Variants in PIK3R3 observed in about 807,000 individuals in gnomAD.
PIK3R3 encodes phosphatidylinositol 3-kinase regulatory subunit gamma.
In PIK3R3, 64 loss-of-function variants were observed where a neutral mutation model predicts 62.9. The ratio of observed to expected loss-of-function variants is 1.02; its 90% CI spans 0.83 to 1.25. The LOEUF is 1.25. Ranked by LOEUF, PIK3R3 falls within the 50% of genes most tolerant of loss-of-function variation. PIK3R3 has a pLI of 0.00. For synonymous variants in PIK3R3, 165 were observed against 189.0 expected (o/e 0.87, Z 1.04); for missense variants, 614 against 561.6 (o/e 1.09, Z -0.94).
intron 1 of PIK3R3, among the ~76,000 whole-genome samples, chr1:46,102,661 T>C (rs961721362): frequency 6.6e-6 from 1 of 151,876 alleles, no homozygotes; most frequent in South Asian, 2.1e-4. Context: ...GGTAAGGAAG[T>C]GGAGTAACTG....
intron 1 of PIK3R3, among the ~76,000 whole-genome samples, chr1:46,104,479 A>G (rs1652998295): frequency 6.6e-6 from 1 of 152,192 alleles, no homozygotes; most frequent in Non-Finnish European, 1.5e-5. Flanking sequence ...TACCATGTAA[A>G]TCCTATCAGA....
chr1:46,065,371 T>C (rs985896389), intron 5 of PIK3R3, among the ~76,000 whole-genome samples: 3 of 152,232 alleles, frequency 2.0e-5, no homozygotes, highest in Admixed American at 2.0e-4. Context: ...TACTGGCTAT[T>C]AAAGTTAATG....
At chr1:46,062,533 C>G (rs893639063) in intron 5 of PIK3R3, among the ~76,000 whole-genome samples, 1 of 152,102 alleles carries the variant, frequency 6.6e-6, no homozygotes, top group African/African-American at 2.4e-5. Flanking sequence ...TGAAATTGTG[C>G]CACTGCACTC....
chr1:46,170,318 G>GCTTTCT, the PIK3R3 span, among the ~76,000 whole-genome samples: 1 of 152,102 alleles, frequency 6.6e-6, no homozygotes, highest in Non-Finnish European at 1.5e-5. Flanking sequence ...GTATAATTCT[G>GCTTTCT]CTTTCTCTAT....
the PIK3R3 span, among the ~76,000 whole-genome samples, chr1:46,158,232 G>A: frequency 5.3e-5 from 8 of 152,148 alleles, no homozygotes; most frequent in Non-Finnish European, 1.2e-4. Flanking sequence ...AGTGTCCAAT[G>A]GCTCTCTATC....
intron 1 of PIK3R3, among the ~76,000 whole-genome samples, chr1:46,092,740 C>T (rs754675806): frequency 1.3e-5 from 2 of 152,128 alleles, no homozygotes; most frequent in Non-Finnish European, 2.9e-5. Context: ...TACAGCAATA[C>T]TACCACTGTT....
chr1:46,155,891 TACTC>T, the PIK3R3 span, among the ~76,000 whole-genome samples: 1 of 152,210 alleles, frequency 6.6e-6, no homozygotes, highest in African/African-American at 2.4e-5. Context: ...AATAAAGTCA[TACTC>T]ATTCATTTAC....
rs1647006148 is a variant in PIK3R3, at chr1:46,042,007, C to T, written c.*1666G>A. ...AACTAGAGCTTTCCTAGCTGTAAGC[C>T]TTATAAACCAAGATGCAGGTACTGG... On this transcript the variant is annotated 3_prime_UTR_variant, in exon 10 of 10. Transcript: ENST00000262741. The surrounding 1 kb of genome is among the most constrained non-coding windows in gnomAD (Gnocchi z 4.3). 1 of 221,898 alleles carries T rather than the reference C, an allele frequency of 4.5e-6. No homozygotes were observed. The highest frequency in any genetic ancestry group is 9.0e-6 in the Non-Finnish European group (1 of 110,904). 13.7% of individuals were successfully genotyped at this position (221,898 alleles called of 1,614,324 possible).
Position 46,074,381 on chromosome 1 carries a change from C to T in PIK3R3, c.314+3134G>A, listed in dbSNP as rs541739567. Among the ~76,000 whole-genome samples, 19 of 148,962 alleles carry T rather than the reference C, an allele frequency of 1.3e-4. No homozygotes were observed. In the South Asian group the frequency reaches 3.1e-3, roughly 24 times the overall value. On this transcript the variant is annotated intron_variant, in intron 3 of 9. Coordinates refer to ENST00000262741, the MANE Select transcript of PIK3R3 (RefSeq NM_003629.4). The stretch of plus-strand genomic sequence containing the variant: ...ACCATTATCTCACACCCTAAATACA[C>T]CCTAAATATCTATTCCCATACATAT...
At chr1:46,137,292 T>A (rs1450885326), upstream of PIK3R3, among the ~76,000 whole-genome samples, 1 of 152,148 alleles carries the variant, frequency 6.6e-6, no homozygotes, top group South Asian at 2.1e-4. Context: ...CCAGAATTCA[T>A]AGAGGAGGGA....
chr1:46,067,140 C>A, intron 3 of PIK3R3, 49 bp from the exon 4 acceptor site: 1 of 1,368,974 alleles, frequency 7.3e-7, no homozygotes, highest in East Asian at 2.4e-5. Context: ...CCAAATTCAA[C>A]TGAACTACTG....
At chr1:46,170,530 C>T in the PIK3R3 span, among the ~76,000 whole-genome samples, 5 of 152,182 alleles carry the variant, frequency 3.3e-5, no homozygotes, top group Admixed American at 3.3e-4. Flanking sequence ...AAGCGATTCT[C>T]TTGCCTCAGC....
the PIK3R3 span, among the ~76,000 whole-genome samples, chr1:46,161,953 G>A: frequency 5.9e-5 from 9 of 151,410 alleles, no homozygotes; most frequent in Non-Finnish European, 1.0e-4. Context: ...TTAGCTGGGC[G>A]TGGTGGCGGG....
the PIK3R3 span, among the ~76,000 whole-genome samples, chr1:46,140,026 T>A: frequency 6.6e-6 from 1 of 152,186 alleles, no homozygotes; most frequent in Non-Finnish European, 1.5e-5. Context: ...TCTCGCTCTG[T>A]CACCCAAGCT....
chr1:46,060,257 G>C (rs1205083548), intron 6 of PIK3R3, among the ~76,000 whole-genome samples: 2 of 152,200 alleles, frequency 1.3e-5, no homozygotes, highest in African/African-American at 4.8e-5. Flanking sequence ...GGAGGCCAAG[G>C]CAGGTGGATC....
chr1:46,094,395 A>G (rs998974248), intron 1 of PIK3R3, among the ~76,000 whole-genome samples: 1 of 152,238 alleles, frequency 6.6e-6, no homozygotes, highest in Non-Finnish European at 1.5e-5. Flanking sequence ...AGACTAATCA[A>G]GCTAACCAAG....
chr1:46,094,904 G>A (rs776324093), intron 1 of PIK3R3, among the ~76,000 whole-genome samples: 7 of 152,168 alleles, frequency 4.6e-5, no homozygotes, highest in Non-Finnish European at 7.3e-5. Flanking sequence ...TTTCCAGCAG[G>A]TAGTTTTAGT....
intron 3 of PIK3R3, among the ~76,000 whole-genome samples, chr1:46,075,752 T>C (rs938180138): frequency 3.3e-5 from 5 of 152,170 alleles, no homozygotes; most frequent in African/African-American, 1.2e-4. Flanking sequence ...TCAGGGGAAT[T>C]GGCTCACATG....
At chr1:46,116,198 C>T (rs1459740233) in intron 1 of PIK3R3, among the ~76,000 whole-genome samples, 2 of 152,048 alleles carry the variant, frequency 1.3e-5, no homozygotes, top group Non-Finnish European at 1.5e-5. Context: ...AGCCACAAAG[C>T]ATCCCAGTTT....
Sources: allele counts gnomAD v4.1 joint callset (sites outside exome capture counted in the v4.1 genomes callset), GRCh38; gene constraint gnomAD v4.1.1; non-coding constraint Gnocchi (gnomAD v3.1); transcripts MANE v1.5; gene names NCBI Gene and HGNC (gene_info 2026-07-23, HGNC 2026-07-21).